The following TLL2 variants were observed in gnomAD, a reference collection of about 807,000 sequenced individuals.
TLL2 encodes tolloid-like protein 2.
A neutral mutation model predicts 123.0 loss-of-function variants in TLL2; 106 were observed. The ratio of observed to expected loss-of-function variants is 0.86; its 90% confidence interval spans 0.74 to 1.01. The LOEUF is 1.01. Among genes scored for constraint, TLL2 ranks in the 50% least tolerant of loss-of-function variants. The probability of loss-of-function intolerance (pLI) is 0.00; values close to 1 mark genes in which losing one functional copy is unlikely to be tolerated. For synonymous variants in TLL2, 494 were observed against 516.8 expected (o/e 0.96, Z 0.60); for missense variants, 1,332 against 1,336.7 (o/e 1.00, Z 0.06).
intron 1 of TLL2, among the ~76,000 whole-genome samples, chr10:96,482,828 A>G (rs974827842): frequency 8.5e-5 from 13 of 152,206 alleles, no homozygotes; most frequent in African/African-American, 2.9e-4. Context: ...TATACTCAAG[A>G]TGTCTGTTAA....
In TLL2 at chr10:96,367,163, G is replaced by C. The variant is rs916600513; in HGVS notation, c.*925C>G. On this transcript the variant is annotated 3_prime_UTR_variant, in exon 21 of 21. Transcript: ENST00000357947. Reference sequence around the variant, plus strand: ...GACCTGAATTGGTCCCTCATAAGAGGTCTTTGCACATTTTGCAAATGCAGT... The same window carrying C: ...GACCTGAATTGGTCCCTCATAAGAGCTCTTTGCACATTTTGCAAATGCAGT... 2 of 152,238 alleles carry C rather than the reference G, an allele frequency of 1.3e-5. No homozygotes were observed. The highest frequency in any genetic ancestry group is 2.9e-5 in the Non-Finnish European group (2 of 68,048). The allele number at this position is 152,238 out of a possible 1,614,324, so 9.4% of individuals were successfully genotyped here.
chr10:96,386,704 A>C (rs888486702), intron 14 of TLL2, among the ~76,000 whole-genome samples: 2 of 152,314 alleles, frequency 1.3e-5, no homozygotes, highest in Non-Finnish European at 2.9e-5. Context: ...ATTTCACACA[A>C]TCATAGAAGA....
At chr10:96,405,091 A>G (rs1018746532) in intron 10 of TLL2, 141 bp downstream of exon 10, 1 of 725,904 alleles carries the variant, frequency 1.4e-6, no homozygotes, top group Non-Finnish European at 2.4e-6. Context: ...GTGTGGCCAA[A>G]TGGAGTGCTC....
At chr10:96,402,018 G>A (rs1483340804) in intron 10 of TLL2, among the ~76,000 whole-genome samples, 1 of 152,248 alleles carries the variant, frequency 6.6e-6, no homozygotes, top group African/African-American at 2.4e-5. Context: ...TGGACTTTGA[G>A]TTAGTCCACA....
intron 1 of TLL2, among the ~76,000 whole-genome samples, chr10:96,489,178 A>C (rs7072595): frequency 6.6e-6 from 1 of 152,156 alleles, no homozygotes; most frequent in Middle Eastern, 3.4e-3. Flanking sequence ...GCAGGAGAGA[A>C]ACCAGGAGTT....
chr10:96,369,456 G>T (rs371323930), intron 20 of TLL2, among the ~76,000 whole-genome samples: 3 of 152,292 alleles, frequency 2.0e-5, no homozygotes, highest in Admixed American at 6.5e-5. Flanking sequence ...AAGCCTGAAG[G>T]CCAAATAAAA....
chr10:96,395,041 C>G lies in TLL2; in HGVS notation c.1726+146G>C, dbSNP rs912527742. On this transcript the variant is annotated intron_variant, in intron 13 of 20. Coordinates refer to ENST00000357947, the MANE Select transcript of TLL2 (RefSeq NM_012465.4). ...AGTTGGGAACTCTGCTGGGGGCTCA[C>G]ACCCAGCTCTGAAATGCATCGCTGC... The G allele has an allele frequency of 9.7e-6, 8 of 825,572 alleles. No individual in the cohort carries two copies. In the African/African-American group the frequency reaches 1.2e-4, roughly 12 times the overall value. 51.1% of individuals were successfully genotyped at this position (825,572 alleles called of 1,614,324 possible).
intron 8 of TLL2, among the ~76,000 whole-genome samples, chr10:96,411,006 C>G (rs888044822): frequency 3.3e-5 from 5 of 152,024 alleles, no homozygotes; most frequent in African/African-American, 1.2e-4. Flanking sequence ...CTTTGGGAGG[C>G]CAAGGCGGGT....
intron 2 of TLL2, among the ~76,000 whole-genome samples, chr10:96,454,609 C>G (rs956660845): frequency 1.3e-5 from 2 of 152,178 alleles, no homozygotes; most frequent in Non-Finnish European, 2.9e-5. Flanking sequence ...TCCTTGTCTA[C>G]CTGGTCCATA....
At chr10:96,424,668 T>C (rs1358489483) in intron 5 of TLL2, among the ~76,000 whole-genome samples, 1 of 152,186 alleles carries the variant, frequency 6.6e-6, no homozygotes, top group Non-Finnish European at 1.5e-5. Flanking sequence ...TTTTTTATGA[T>C]TGATATTTAA....
At chr10:96,396,280 G>C (rs1251164408) in intron 11 of TLL2, among the ~76,000 whole-genome samples, 1 of 152,170 alleles carries the variant, frequency 6.6e-6, no homozygotes, top group African/African-American at 2.4e-5. Context: ...AAAATCGCCT[G>C]AGGGAGTTTG....
intron 2 of TLL2, among the ~76,000 whole-genome samples, chr10:96,459,183 C>G (rs1354222818): frequency 1.3e-5 from 2 of 152,066 alleles, no homozygotes; most frequent in Non-Finnish European, 2.9e-5. Flanking sequence ...CAATCATGAC[C>G]TAAATTCTAA....
chr10:96,395,752 G>T, intron 12 of TLL2, 123 bp downstream of exon 12: 1 of 1,279,614 alleles, frequency 7.8e-7, no homozygotes, highest in Non-Finnish European at 1.1e-6. Context: ...AATTCACTAT[G>T]GGCTTGAGAA....
chr10:96,373,796 A>G lies in TLL2; in HGVS notation c.2462T>C (p.Phe821Ser). The part of the protein sequence containing the change: ...GHRVKLTFNE[F>S]EIEQHQECAY... ...ACATTCCTGGTGCTGCTCGATCTCA[A>G]ACTCATTAAAGGTCTGGGGACAGAA... Residue 821 changes from phenylalanine (F) to serine (S), a missense_variant, in exon 19 of 21, where the codon TTT becomes TCT. Phe to Ser is a radical substitution (Grantham distance 155). Transcript: ENST00000357947. 1.2e-6 allele frequency: 2 copies of G among 1,613,750 alleles called. No individual in the cohort carries two copies. The highest frequency in any genetic ancestry group is 1.7e-6 in the Non-Finnish European group (2 of 1,180,020).
In TLL2 at chr10:96,395,205, C is replaced by T. The variant is rs1291311902; in HGVS notation, c.1708G>A (p.Ala570Thr). The change falls in exon 13 of 21, where the codon GCA becomes ACA. Residue 570 changes from alanine (A) to threonine (T), a missense_variant. Physicochemically the swap from Ala to Thr is moderately conservative, Grantham distance 58. Transcript: ENST00000357947. ...TTCATACCCTTGAAAAAATTGGCTG[C>T]AAAGCCCGCTTTATTGATAGAGCCA... ...SDGSINKAGF[A>T]ANFFKEVDEC... 2.5e-6 allele frequency: 4 copies of T among 1,602,538 alleles called. No homozygotes were observed. The highest frequency in any genetic ancestry group is 3.4e-6 in the Non-Finnish European group (4 of 1,175,870).
At position 96,396,003 on chromosome 10, in the gene TLL2, T is replaced by A. The variant is rs757077777; in HGVS notation, c.1402A>T (p.Met468Leu). 2.9e-5 allele frequency: 47 copies of A among 1,614,046 alleles called. No homozygotes were observed. The highest frequency in any genetic ancestry group is 5.0e-5 in the Admixed American group (3 of 59,994). ...TGAATCTGACCGGCATCTTTGTTCATGTCTCCCCCGCAGGTAGCTTTAGAA... is the reference window on the plus strand; with the variant it reads ...TGAATCTGACCGGCATCTTTGTTCAAGTCTCCCCCGCAGGTAGCTTTAGAA... ...AAYEATCGGD[M>L]NKDAGQIQSP... The change falls in exon 12 of 21, where the codon ATG (methionine) becomes TTG (leucine). Residue 468 changes from methionine (M) to leucine (L), a missense_variant. By Grantham distance (15) the Met-to-Leu change is conservative. Transcript: ENST00000357947.
chr10:96,511,036 C>T lies in TLL2; in HGVS notation c.175+2475G>A, dbSNP rs530243188. Among the ~76,000 whole-genome samples, 115 of 147,030 alleles carry T rather than the reference C, an allele frequency of 7.8e-4. 1 individual carries two copies. The highest frequency in any genetic ancestry group is 2.7e-3 in the African/African-American group (111 of 40,772). On this transcript the variant is annotated intron_variant, in intron 1 of 20. Transcript: ENST00000357947. ...AGCCAGGAACAGATTCAAGACCCTC[C>T]CCTCTGCATTCTGAGTCCACAGTAG...
Position 96,384,674 on chromosome 10 carries a change from T to C in TLL2, c.2107A>G (p.Ile703Val). ...CGCATGTTGTTGCTCTGCGAGGTGA[T>C]GACCTCCGGCGTCTCAGAGCCGCAG... is the stretch of plus-strand genomic sequence containing the variant. ...RFCGSETPEV[I>V]TSQSNNMRVE... Residue 703 changes from isoleucine (I) to valine (V), a missense_variant, in exon 16 of 21, where the codon ATC becomes GTC. Ile to Val is a conservative substitution (Grantham distance 29). Coordinates refer to ENST00000357947, the MANE Select transcript of TLL2 (RefSeq NM_012465.4). The C allele has an allele frequency of 6.2e-7, 1 of 1,613,126 alleles. No individual in the cohort carries two copies. The highest frequency in any genetic ancestry group is 1.1e-5 in the South Asian group (1 of 90,884).
chr10:96,470,661 G>A (rs1847170205), intron 2 of TLL2, among the ~76,000 whole-genome samples: 1 of 152,106 alleles, frequency 6.6e-6, no homozygotes. Flanking sequence ...TGGAGTGTAG[G>A]AGCTAAACAC....
Sources: allele counts gnomAD v4.1 joint callset (sites outside exome capture counted in the v4.1 genomes callset), GRCh38; gene constraint gnomAD v4.1.1; transcripts MANE v1.5; gene names NCBI Gene and HGNC (gene_info 2026-07-23, HGNC 2026-07-21).